Variants in MTMR2 observed in about 807,000 individuals in gnomAD.
The protein encoded by MTMR2 is myotubularin related protein 2.
Under a neutral mutation model 86.9 loss-of-function variants are expected in MTMR2, and 55 were observed. The ratio of observed to expected loss-of-function variants is 0.63; its 90% CI spans 0.51 to 0.79. MTMR2 has a LOEUF of 0.79. Ranked by LOEUF, MTMR2 falls within the 30% of genes least tolerant of loss-of-function variation. MTMR2 has a pLI of 0.00. For synonymous variants in MTMR2, 241 were observed against 266.8 expected (o/e 0.90, Z 0.94); for missense variants, 659 against 772.3 (o/e 0.85, Z 1.74).
chr11:95,875,961 G>C (rs1865094341), intron 2 of MTMR2, among the ~76,000 whole-genome samples: 2 of 152,204 alleles, frequency 1.3e-5, no homozygotes, highest in South Asian at 4.1e-4. Context: ...TCCTCTGGAA[G>C]TTTTGTCTCA....
At chr11:95,864,346 T>C (rs906266045) in intron 3 of MTMR2, among the ~76,000 whole-genome samples, 2 of 152,102 alleles carry the variant, frequency 1.3e-5, no homozygotes, top group African/African-American at 4.8e-5. Context: ...AGCCAACAAA[T>C]GAGACTGAGT....
At chr11:95,899,050 T>C (rs539778111) in intron 1 of MTMR2, among the ~76,000 whole-genome samples, 1 of 152,298 alleles carries the variant, frequency 6.6e-6, no homozygotes, top group Non-Finnish European at 1.5e-5. Flanking sequence ...CTGTAAGCAA[T>C]GAGAGACCTC....
At chr11:95,876,133 A>T (rs1255998099) in intron 2 of MTMR2, among the ~76,000 whole-genome samples, 2 of 152,182 alleles carry the variant, frequency 1.3e-5, no homozygotes, top group Non-Finnish European at 2.9e-5. Flanking sequence ...AAGCTGTCAG[A>T]CAGGGACATT....
Position 95,887,380 on chromosome 11 carries a change from G to A in MTMR2, c.186+776C>T, listed in dbSNP as rs189066618. ...TTGATCTTGGACTTCCCAGCTTCCAGAACCATGAGAAATAAATGTTTATTG... is the reference window on the plus strand; with the variant it reads ...TTGATCTTGGACTTCCCAGCTTCCAAAACCATGAGAAATAAATGTTTATTG... On this transcript the variant is annotated intron_variant, in intron 2 of 14. Coordinates refer to ENST00000346299, the MANE Select transcript of MTMR2 (RefSeq NM_016156.6). Among the ~76,000 whole-genome samples, 165 of 151,528 alleles carry A rather than the reference G, an allele frequency of 1.1e-3. 1 individual carries two copies. The highest frequency in any genetic ancestry group is 4.2e-3 in the Admixed American group (64 of 15,200).
intron 5 of MTMR2, among the ~76,000 whole-genome samples, chr11:95,861,286 A>G (rs926727428): frequency 4.8e-4 from 73 of 151,496 alleles, no homozygotes; most frequent in African/African-American, 1.4e-3. Flanking sequence ...CTAATTTGTA[A>G]ATTAAAGGTA....
rs1565361115 is a variant in MTMR2, at chr11:95,865,596, C to T, written c.262+5G>A. ...GGACATTAAGCAAAAAATACCATTA[C>T]GGACCCATGTCTTTAATATTTTCTC... On this transcript the variant is annotated splice_donor_5th_base_variant and intron_variant, in intron 3 of 14. Transcript: ENST00000346299. 7 of 1,589,826 alleles carry T rather than the reference C, an allele frequency of 4.4e-6. No homozygotes were observed. The highest frequency in any genetic ancestry group is 2.2e-5 in the South Asian group (2 of 90,992).
chr11:95,836,129 T>C lies in MTMR2; in HGVS notation c.1770+19A>G. On this transcript the variant is annotated intron_variant, in intron 14 of 14. Coordinates refer to ENST00000346299, the MANE Select transcript of MTMR2 (RefSeq NM_016156.6). Reference sequence around the variant, plus strand: ...ACTGCATGAATGAAAACTCCCATTGTATATTGTAAGGCACATACCTGTGGT... The same window carrying C: ...ACTGCATGAATGAAAACTCCCATTGCATATTGTAAGGCACATACCTGTGGT... The C allele has an allele frequency of 6.3e-7, 1 of 1,586,856 alleles. No individual in the cohort carries two copies. Among genetic ancestry groups the C allele is most frequent in the Non-Finnish European group, 8.6e-7 (1 of 1,159,162 alleles).
At chr11:95,893,166 T>C (rs752643817) in intron 1 of MTMR2, among the ~76,000 whole-genome samples, 5 of 152,144 alleles carry the variant, frequency 3.3e-5, no homozygotes, top group Non-Finnish European at 5.9e-5. Flanking sequence ...GCTGCCATCA[T>C]TATGGGAATT....
At chr11:95,899,957 C>A (rs1216742059) in intron 1 of MTMR2, among the ~76,000 whole-genome samples, 2 of 152,090 alleles carry the variant, frequency 1.3e-5, no homozygotes, top group African/African-American at 4.8e-5. Flanking sequence ...GTAGAAGTGT[C>A]AAATAGTTCT....
chr11:95,838,088 T>C lies in MTMR2; in HGVS notation c.1593+6A>G. ...AGTATGGGGAAGGTCATGTTTCATA[T>C]TTTACCTCTTTTCCTCTCTGTTGTT... On this transcript the variant is annotated splice_donor_region_variant and intron_variant, in intron 13 of 14. Transcript: ENST00000346299. 1 of 1,517,042 alleles carries C rather than the reference T, an allele frequency of 6.6e-7. No homozygotes were observed. The highest frequency in any genetic ancestry group is 9.1e-7 in the Non-Finnish European group (1 of 1,095,064). 94.0% of individuals were successfully genotyped at this position (1,517,042 alleles called of 1,614,324 possible).
At chr11:95,883,146 C>T (rs1162667420) in intron 2 of MTMR2, among the ~76,000 whole-genome samples, 2 of 152,030 alleles carry the variant, frequency 1.3e-5, no homozygotes, top group Non-Finnish European at 2.9e-5. Context: ...CATAGCTTGA[C>T]TTTTATCTTT....
At chr11:95,907,211 A>C (rs1421901160) in intron 1 of MTMR2, among the ~76,000 whole-genome samples, 1 of 152,112 alleles carries the variant, frequency 6.6e-6, no homozygotes, top group Non-Finnish European at 1.5e-5. Flanking sequence ...AAATACAAAA[A>C]AATCCTCAGT....
At chr11:95,863,187 C>A (rs900602407) in intron 3 of MTMR2, among the ~76,000 whole-genome samples, 1 of 152,112 alleles carries the variant, frequency 6.6e-6, no homozygotes, top group Admixed American at 6.6e-5. Context: ...ACCAAATCAG[C>A]AGATAAAGGA....
chr11:95,836,861 T>G (rs533354295), intron 13 of MTMR2, among the ~76,000 whole-genome samples: 1 of 151,994 alleles, frequency 6.6e-6, no homozygotes, highest in Non-Finnish European at 1.5e-5. Flanking sequence ...CAGGGGTGAA[T>G]GGGGAGTGAC....
intron 1 of MTMR2, among the ~76,000 whole-genome samples, chr11:95,888,993 G>C (rs982348327): frequency 6.6e-6 from 1 of 152,174 alleles, no homozygotes; most frequent in Non-Finnish European, 1.5e-5. Context: ...ATGGATAAAA[G>C]AGCAGATGAG....
chr11:95,872,709 C>A (rs1453515912), intron 2 of MTMR2, among the ~76,000 whole-genome samples: 1 of 152,194 alleles, frequency 6.6e-6, no homozygotes, highest in Non-Finnish European at 1.5e-5. Context: ...AAAGGGAATG[C>A]TTCCAGTTTT....
chr11:95,899,402 A>C (rs1865991978), intron 1 of MTMR2, among the ~76,000 whole-genome samples: 1 of 152,132 alleles, frequency 6.6e-6, no homozygotes, highest in Admixed American at 6.6e-5. Flanking sequence ...TTTAAGACTG[A>C]GGTGGTAGCA....
chr11:95,914,247 A>G (rs927894733), intron 1 of MTMR2: 1 of 977,102 alleles, frequency 1.0e-6, no homozygotes, highest in African/African-American at 1.8e-5. Flanking sequence ...CTTACATTAT[A>G]ATTTTTGAGA....
At chr11:95,875,298 T>C (rs1156649894) in intron 2 of MTMR2, among the ~76,000 whole-genome samples, 1 of 152,210 alleles carries the variant, frequency 6.6e-6, no homozygotes, top group African/African-American at 2.4e-5. Context: ...TTCATTTCTT[T>C]TCATTCTTTT....
Sources: gnomAD v4.1 joint callset for allele counts (sites outside exome capture counted in the v4.1 genomes callset) on GRCh38, gnomAD v4.1.1 for gene constraint, MANE v1.5 for transcripts, NCBI Gene and HGNC (gene_info 2026-07-23, HGNC 2026-07-21) for gene names.